The following COPS2 variants were observed in gnomAD, a reference collection of about 807,000 sequenced individuals.
COPS2 encodes COP9 signalosome subunit 2.
In COPS2, 10 loss-of-function variants were observed where a neutral mutation model predicts 66.1. The observed-to-expected ratio is 0.15, with a 90% CI of 0.09 to 0.26. The LOEUF is 0.26. Ranked by LOEUF, COPS2 falls within the 10% of genes least tolerant of loss-of-function variation. The probability of loss-of-function intolerance (pLI) is 1.00; values close to 1 mark genes in which losing one functional copy is unlikely to be tolerated. For synonymous variants in COPS2, 179 were observed against 171.3 expected, an observed-to-expected ratio of 1.04 and a Z score of -0.35; for missense variants, 215 against 513.3, an observed-to-expected ratio of 0.42 and a Z score of 5.62.
At chr15:49,141,830 C>A (rs1166109467) in intron 3 of COPS2, among the ~76,000 whole-genome samples, 1 of 152,214 alleles carries the variant, frequency 6.6e-6, no homozygotes, top group East Asian at 1.9e-4. Context: ...AAAACCCTCT[C>A]CCTTCCTTCC....
intron 4 of COPS2, 43 bp from the exon 5 acceptor site, chr15:49,137,480 T>G: frequency 7.3e-7 from 1 of 1,374,402 alleles, no homozygotes; most frequent in Non-Finnish European, 1.0e-6. Context: ...AACAGCAAAT[T>G]TGTACCTGTT....
chr15:49,144,370 T>A, intron 2 of COPS2, 66 bp from the exon 3 acceptor site: 1 of 879,408 alleles, frequency 1.1e-6, no homozygotes, highest in Non-Finnish European at 1.9e-6. Flanking sequence ...TGATGCCCAA[T>A]GTGTAAGTAT....
At position 49,125,736 on chromosome 15, in the gene COPS2, T is replaced by C. The variant is rs995624665; in HGVS notation, c.*2214A>G. 1 of 152,052 alleles carries C rather than the reference T, an allele frequency of 6.6e-6. No homozygotes were observed. The highest frequency in any genetic ancestry group is 2.4e-5 in the African/African-American group (1 of 41,440). 9.4% of individuals were successfully genotyped at this position (152,052 alleles called of 1,614,324 possible). ...ACAGAAAAAAAAGAACGCACCTATA[T>C]CTGGGTAAACAAAGCTATGTAATAC... On this transcript the variant is annotated 3_prime_UTR_variant, in exon 13 of 13. Coordinates refer to ENST00000388901, the MANE Select transcript of COPS2 (RefSeq NM_004236.4).
intron 1 of COPS2, among the ~76,000 whole-genome samples, chr15:49,146,495 GT>G (rs1370465783): frequency 1.3e-5 from 2 of 152,124 alleles, no homozygotes; most frequent in Non-Finnish European, 2.9e-5. Context: ...TCAAACCTGG[GT>G]TTTGAAAGAT....
In COPS2 at chr15:49,127,794, C is replaced by A; in HGVS notation, c.*156G>T. 1.4e-6 allele frequency: 1 copy of A among 738,770 alleles called. No individual in the cohort carries two copies. 45.8% of individuals were successfully genotyped at this position (738,770 alleles called of 1,614,324 possible). ...GTTTTTCTTGGGATAAATGCAGCAG[C>A]AAAACACAAACCAGTTGATCAAAAA... On this transcript the variant is annotated 3_prime_UTR_variant, in exon 13 of 13. Transcript: ENST00000388901.
intron 9 of COPS2, among the ~76,000 whole-genome samples, chr15:49,132,651 A>C (rs915755147): frequency 5.9e-5 from 9 of 151,506 alleles, no homozygotes; most frequent in Non-Finnish European, 1.3e-4. Flanking sequence ...CAGCTGTACA[A>C]CTTAAAATAA....
rs368060522 is a variant in COPS2 at position 49,143,640 on chromosome 15, TTTTA to T, written c.246+583_246+586del. On this transcript the variant is annotated intron_variant, in intron 3 of 12. Coordinates refer to ENST00000388901, the MANE Select transcript of COPS2 (RefSeq NM_004236.4). The stretch of plus-strand genomic sequence containing the variant: ...AAACTCTTTATAATAAACAGGAGAA[TTTTA>T]AAACTCCAAAGTAAACACTAATCCT... 5.9e-5 allele frequency among the ~76,000 whole-genome samples: 9 copies of T among 152,270 alleles called. No homozygotes were observed. In the East Asian group the frequency reaches 1.4e-3, roughly 23 times the overall value.
intron 1 of COPS2, among the ~76,000 whole-genome samples, chr15:49,145,952 T>C (rs974043684): frequency 2.0e-5 from 3 of 152,168 alleles, no homozygotes; most frequent in Non-Finnish European, 4.4e-5. Flanking sequence ...GGCAAGTTTA[T>C]ATCAAATTAA....
chr15:49,134,015 C>T lies in COPS2; in HGVS notation c.809G>A (p.Ser270Asn). Residue 270 changes from serine to asparagine, a missense_variant, in exon 8 of 13, where the codon AGT becomes AAT. Ser to Asn is a conservative substitution (Grantham distance 46). Transcript: ENST00000388901. ...TTTTAAGCAAGTGGTTCGTCTTGGA[C>T]TTCCAGATTCATCATAATTCTTGAA... ...EAFKNYDESG[S>N]PRRTTCLKYL... is the part of the protein sequence containing the mutation. The T allele has an allele frequency of 6.2e-7, 1 of 1,613,894 alleles. No homozygotes were observed. The highest frequency in any genetic ancestry group is 8.5e-7 in the Non-Finnish European group (1 of 1,179,808).
intron 1 of COPS2, among the ~76,000 whole-genome samples, chr15:49,152,464 A>G (rs1175673368): frequency 2.6e-5 from 4 of 152,118 alleles, no homozygotes; most frequent in South Asian, 2.1e-4. Context: ...AAAAAACCCA[A>G]CAGAAAACTC....
chr15:49,125,850 T>C lies in COPS2; in HGVS notation c.*2100A>G, dbSNP rs987783249. The C allele has an allele frequency of 3.9e-5, 6 of 152,120 alleles. No individual in the cohort carries two copies. The highest frequency in any genetic ancestry group is 8.8e-5 in the Non-Finnish European group (6 of 67,934). The allele number at this position is 152,120 out of a possible 1,614,324, so 9.4% of individuals were successfully genotyped here. On this transcript the variant is annotated 3_prime_UTR_variant, in exon 13 of 13. Transcript: ENST00000388901. The stretch of plus-strand genomic sequence containing the variant: ...AAATAACAAGTGCATGCTTTCTCTC[T>C]AGAAAGTGGAAGATGCACTATTGTA...
intron 1 of COPS2, among the ~76,000 whole-genome samples, chr15:49,146,461 A>G (rs908249676): frequency 1.3e-5 from 2 of 152,194 alleles, no homozygotes; most frequent in Non-Finnish European, 2.9e-5. Flanking sequence ...CCATACACAG[A>G]ATGATGCTGT....
At chr15:49,154,615 TAAAG>T (rs1469100241) in intron 1 of COPS2, among the ~76,000 whole-genome samples, 2 of 152,102 alleles carry the variant, frequency 1.3e-5, no homozygotes, top group African/African-American at 2.4e-5. Context: ...ACCCCCAAAA[TAAAG>T]AAACACAGCA....
rs2084148925 is a variant in COPS2, at chr15:49,124,446, A to T, written c.*3504T>A. On this transcript the variant is annotated 3_prime_UTR_variant, in exon 13 of 13. Coordinates refer to ENST00000388901, the MANE Select transcript of COPS2 (RefSeq NM_004236.4). ...TAAATAGGATGCTGATTTGGGGGAA[A>T]AAAAAACCTAAAACAATGAAAACTA... 1 of 152,098 alleles carries T rather than the reference A, an allele frequency of 6.6e-6. No homozygotes were observed. Among genetic ancestry groups the T allele is most frequent in the African/African-American group, 2.4e-5 (1 of 41,436 alleles). 9.4% of individuals were successfully genotyped at this position (152,098 alleles called of 1,614,324 possible). A position where few individuals can be genotyped will look rare whatever the true frequency, so the allele number is the denominator to read the frequency against.
At chr15:49,138,037 A>G (rs868780134) in intron 4 of COPS2, among the ~76,000 whole-genome samples, 3 of 152,228 alleles carry the variant, frequency 2.0e-5, no homozygotes, top group African/African-American at 7.2e-5. Flanking sequence ...TCTTCTATAA[A>G]TATGACTAAG....
At chr15:49,134,537 TTAGAC>T in intron 6 of COPS2, 23 bp from the exon 7 acceptor site, 1 of 1,562,598 alleles carries the variant, frequency 6.4e-7, no homozygotes, top group Non-Finnish European at 8.7e-7. Flanking sequence ...ATATTTAACT[TTAGAC>T]AAGATAGAAT....
intron 9 of COPS2, among the ~76,000 whole-genome samples, chr15:49,133,510 C>T (rs771472311): frequency 9.2e-5 from 14 of 152,222 alleles, no homozygotes; most frequent in Non-Finnish European, 1.9e-4. Context: ...CAGGTGCATT[C>T]GTGCGTGCGC....
chr15:49,142,784 C>T (rs1054885909), intron 3 of COPS2, among the ~76,000 whole-genome samples: 6 of 152,018 alleles, frequency 3.9e-5, no homozygotes, highest in Non-Finnish European at 7.4e-5. Context: ...GTCATAATTC[C>T]AGTTTCTCTA....
intron 1 of COPS2, among the ~76,000 whole-genome samples, chr15:49,151,278 T>C (rs748118747): frequency 6.6e-6 from 1 of 151,814 alleles, no homozygotes; most frequent in Non-Finnish European, 1.5e-5. Context: ...TGGGTGCCTG[T>C]GGTCCCAGCT....
Sources: gnomAD v4.1 joint callset for allele counts (sites outside exome capture counted in the v4.1 genomes callset) on GRCh38, gnomAD v4.1.1 for gene constraint, MANE v1.5 for transcripts, NCBI Gene and HGNC (gene_info 2026-07-23, HGNC 2026-07-21) for gene names.